The following TMEM44 variants were observed in gnomAD, a reference collection of about 807,000 sequenced individuals.
The protein encoded by TMEM44 is transmembrane protein 44.
Under a neutral mutation model 47.8 loss-of-function variants are expected in TMEM44, and 43 were observed. That is an observed-to-expected ratio of 0.90 (90% confidence interval 0.70 to 1.16). TMEM44 has a LOEUF of 1.16. TMEM44 is among the 50% of genes most tolerant of loss of function. TMEM44 has a pLI of 0.00. For missense variants in TMEM44, 568 were observed against 555.2 expected, an observed-to-expected ratio of 1.02 and a Z score of -0.23; for synonymous variants, 277 against 238.8, an observed-to-expected ratio of 1.16 and a Z score of -1.48.
intron 7 of TMEM44, among the ~76,000 whole-genome samples, chr3:194,615,167 G>A: frequency 6.6e-6 from 1 of 152,102 alleles, no homozygotes; most frequent in Non-Finnish European, 1.5e-5. Flanking sequence ...ACTTGAATCT[G>A]GGAGGCGGAG....
At chr3:194,613,310 T>C (rs1024852382) in intron 7 of TMEM44, among the ~76,000 whole-genome samples, 9 of 151,852 alleles carry the variant, frequency 5.9e-5, no homozygotes, top group African/African-American at 2.4e-5. Context: ...CCTGAGTAGC[T>C]GGGATTACAG....
intron 6 of TMEM44, 71 bp from the exon 7 acceptor site, chr3:194,615,768 A>G: frequency 1.3e-6 from 2 of 1,571,282 alleles, no homozygotes; most frequent in Non-Finnish European, 1.7e-6. Context: ...ACCCCTCCAC[A>G]CCATGCTGCC....
chr3:194,625,431 G>GGC (rs1553839276), intron 3 of TMEM44, among the ~76,000 whole-genome samples: 1 of 21,110 alleles, frequency 4.7e-5, no homozygotes, highest in Non-Finnish European at 9.1e-5. Context: ...CTTCTTTTTT[G>GGC]GGGGGGGGGG....
At chr3:194,596,471 T>C (rs1184864057) in intron 9 of TMEM44, among the ~76,000 whole-genome samples, 1 of 152,178 alleles carries the variant, frequency 6.6e-6, no homozygotes, top group Non-Finnish European at 1.5e-5. Context: ...TTTTCTGTTT[T>C]CCTGATGGAA....
At position 194,630,090 on chromosome 3, in the gene TMEM44, G is replaced by A. The variant is rs1577234464; in HGVS notation, c.138-1581C>T. Among the ~76,000 whole-genome samples, 2 of 114,280 alleles carry A rather than the reference G, an allele frequency of 1.8e-5. 1 individual carries two copies. The highest frequency in any genetic ancestry group is 7.7e-4 in the East Asian group (2 of 2,590). The allele number at this position is 114,280 out of a possible 152,430, so 75.0% of individuals were successfully genotyped here. ...TACGCTGTCGTACCTGCCTCCCGAAGGGGCTGGCTGTTTCCATCGGCGTCA... is the reference window on the plus strand; with the variant it reads ...TACGCTGTCGTACCTGCCTCCCGAAAGGGCTGGCTGTTTCCATCGGCGTCA... On this transcript the variant is annotated intron_variant, in intron 1 of 9. Transcript: ENST00000347147.
chr3:194,628,608 G>A, intron 1 of TMEM44, 99 bp from the exon 2 acceptor site: 4 of 1,397,602 alleles, frequency 2.9e-6, no homozygotes, highest in Non-Finnish European at 3.8e-6. Context: ...TCGTCAGGGA[G>A]CTCTTTCTGC....
intron 5 of TMEM44, among the ~76,000 whole-genome samples, chr3:194,621,024 C>CAAAA (rs35118545): frequency 1.7e-5 from 2 of 117,314 alleles, no homozygotes; most frequent in Non-Finnish European, 3.5e-5. Context: ...GACTCTGTCT[C>CAAAA]AAAAAAAAAA....
At chr3:194,593,325 A>C (rs1712993485) in intron 9 of TMEM44, among the ~76,000 whole-genome samples, 1 of 152,190 alleles carries the variant, frequency 6.6e-6, no homozygotes, top group Non-Finnish European at 1.5e-5. Context: ...GAAAAATTAC[A>C]ATCTATCAAG....
In TMEM44 at chr3:194,591,070, C is replaced by G. The variant is rs149527638; in HGVS notation, c.1177-2431G>C. Among the ~76,000 whole-genome samples the G allele has an allele frequency of 1.3e-3, 204 of 151,236 alleles. 5 individuals carry two copies. In the East Asian group the frequency reaches 0.033, roughly 24 times the overall value. On this transcript the variant is annotated intron_variant, in intron 9 of 9. Coordinates refer to ENST00000347147, the MANE Select transcript of TMEM44 (RefSeq NM_001011655.3). The stretch of plus-strand genomic sequence containing the variant: ...TTAGCCAAGTATAGTGGTGGGCGCC[C>G]GTAATCCCAGCTACTTGGGAGGCTG...
At chr3:194,589,799 GATTGGGCTCCA>G in intron 9 of TMEM44, 1 of 152,260 alleles carries the variant, frequency 6.6e-6, no homozygotes, top group Admixed American at 6.5e-5. Flanking sequence ...GGCAAGTAGG[GATTGGGCTCCA>G]GTTCTCCTCC....
Position 194,588,617 on chromosome 3 carries a change from A to G in TMEM44, c.1199T>C (p.Leu400Pro). 1 of 1,614,152 alleles carries G rather than the reference A, an allele frequency of 6.2e-7. No homozygotes were observed. Residue 400 changes from leucine to proline, a missense_variant, in exon 10 of 10, where the codon CTC (leucine) becomes CCC (proline). Transcript: ENST00000347147. ...CTCCACATTTTCTTTGCTGCCTTCG[A>G]GGTTCACATCTTCAGGGTCCCACTA... ...DLEWDPEDVN[L>P]EGSKENVELL...
Position 194,628,378 on chromosome 3 carries a change from C to G in TMEM44, c.264+5G>C. Reference sequence around the variant, plus strand: ...AAGCCACTGTCAGCTGGAGGCCCAACATACCTGGATTGTGAGCTGTCTGGC... The same window carrying G: ...AAGCCACTGTCAGCTGGAGGCCCAAGATACCTGGATTGTGAGCTGTCTGGC... On this transcript the variant is annotated splice_donor_5th_base_variant and intron_variant, in intron 2 of 9. Transcript: ENST00000347147. 6.2e-7 allele frequency: 1 copy of G among 1,609,514 alleles called. No individual in the cohort carries two copies. Among genetic ancestry groups the G allele is most frequent in the Non-Finnish European group, 8.5e-7 (1 of 1,177,868 alleles).
chr3:194,600,699 C>G (rs145385554), intron 9 of TMEM44, among the ~76,000 whole-genome samples: 5,432 of 151,984 alleles, frequency 0.036, 183 homozygotes, highest in South Asian at 0.17. Context: ...TGCAGTGAGC[C>G]GAGACTGCGC....
chr3:194,626,844 C>T (rs867631354), intron 2 of TMEM44, among the ~76,000 whole-genome samples: 7 of 151,446 alleles, frequency 4.6e-5, no homozygotes, highest in Admixed American at 1.3e-4. Context: ...CCACCACGCC[C>T]GGCTAATTTT....
At chr3:194,631,281 G>A (rs1007017133) in intron 1 of TMEM44, among the ~76,000 whole-genome samples, 5 of 151,964 alleles carry the variant, frequency 3.3e-5, no homozygotes, top group African/African-American at 9.7e-5. Flanking sequence ...ATACATTGTC[G>A]TACCTGCCTC....
chr3:194,589,594 G>C (rs77102409), intron 9 of TMEM44: 1 of 147,650 alleles, frequency 6.8e-6, no homozygotes, highest in Non-Finnish European at 1.5e-5. Flanking sequence ...GAGCGGGGGG[G>C]CACTGCCAGT....
At chr3:194,616,788 G>T in intron 6 of TMEM44, 2 of 426,774 alleles carry the variant, frequency 4.7e-6, no homozygotes, top group South Asian at 2.0e-5. Flanking sequence ...CCAGCTACTC[G>T]GGAGGCTGAG....
At chr3:194,590,719 AG>A (rs1319394867) in intron 9 of TMEM44, among the ~76,000 whole-genome samples, 2 of 152,246 alleles carry the variant, frequency 1.3e-5, no homozygotes, top group East Asian at 3.9e-4. Flanking sequence ...GCCCCTGGGT[AG>A]GGGGTAGAGA....
chr3:194,606,297 C>G (rs543350293), intron 8 of TMEM44, among the ~76,000 whole-genome samples: 49 of 152,284 alleles, frequency 3.2e-4, no homozygotes, highest in African/African-American at 1.2e-3. Context: ...GCTCAGGGGG[C>G]TTGCTGGGAA....
Sources: allele counts gnomAD v4.1 joint callset (sites outside exome capture counted in the v4.1 genomes callset), GRCh38; gene constraint gnomAD v4.1.1; transcripts MANE v1.5; gene names NCBI Gene and HGNC (gene_info 2026-07-23, HGNC 2026-07-21).